PCDH15: variants seen among roughly 807,000 people sequenced by gnomAD.
The protein encoded by PCDH15 is protocadherin related 15.
A neutral mutation model predicts 178.5 loss-of-function variants in PCDH15; 129 were observed. The observed-to-expected ratio is 0.72, with a 90% confidence interval of 0.63 to 0.84. PCDH15 has a LOEUF of 0.84. PCDH15 is among the 40% of genes least tolerant of loss of function. The probability of loss-of-function intolerance (pLI) is 0.00; values close to 1 mark genes in which losing one functional copy is unlikely to be tolerated. For synonymous variants in PCDH15, 800 were observed against 732.0 expected (o/e 1.09, Z -1.50); for missense variants, 2,230 against 2,099.9 (o/e 1.06, Z -1.21).
intron 2 of PCDH15, among the ~76,000 whole-genome samples, chr10:54,639,349 T>C (rs772961406): frequency 4.6e-5 from 7 of 152,136 alleles, no homozygotes; most frequent in Non-Finnish European, 1.0e-4. Context: ...GCCCTAGATA[T>C]ATAAAATCTT....
intron 2 of PCDH15, among the ~76,000 whole-genome samples, chr10:54,981,178 GA>G (rs1239538232): frequency 6.6e-6 from 1 of 152,116 alleles, no homozygotes; most frequent in African/African-American, 2.4e-5. Context: ...ATCTTCTTTA[GA>G]TACATTTCAC....
intron 30 of PCDH15, among the ~76,000 whole-genome samples, chr10:53,829,384 G>A (rs1013876001): frequency 2.0e-5 from 3 of 152,088 alleles, no homozygotes; most frequent in South Asian, 2.1e-4. Flanking sequence ...CATCCAGAGC[G>A]CTTCAGTTTT....
chr10:55,111,428 G>A (rs542901308), intron 2 of PCDH15, among the ~76,000 whole-genome samples: 34 of 152,036 alleles, frequency 2.2e-4, no homozygotes, highest in African/African-American at 7.5e-4. Flanking sequence ...ATTTTAAGAA[G>A]AAATTCAGGC....
intron 5 of PCDH15, among the ~76,000 whole-genome samples, chr10:54,349,649 T>C (rs1303658992): frequency 6.6e-6 from 1 of 151,354 alleles, no homozygotes; most frequent in Non-Finnish European, 1.5e-5. Context: ...TAATATGTAG[T>C]CCTTTAAAAT....
At chr10:54,383,393 T>C (rs1268126876) in intron 3 of PCDH15, among the ~76,000 whole-genome samples, 1 of 152,164 alleles carries the variant, frequency 6.6e-6, no homozygotes, top group Non-Finnish European at 1.5e-5. Flanking sequence ...AAAAAAGTCA[T>C]ACTACTAAGA....
intron 29 of PCDH15, among the ~76,000 whole-genome samples, chr10:53,835,558 A>G (rs2132690124): frequency 6.6e-6 from 1 of 152,236 alleles, no homozygotes; most frequent in South Asian, 2.1e-4. Flanking sequence ...TTGAGTGACA[A>G]TTAGGATAAT....
intron 9 of PCDH15, 31 bp from the exon 10 acceptor site, chr10:54,214,079 T>A: frequency 8.2e-7 from 1 of 1,219,096 alleles, no homozygotes; most frequent in Non-Finnish European, 1.2e-6. Context: ...AGTACATAAT[T>A]GAGAACAATA....
chr10:54,471,895 A>G (rs556938235), intron 3 of PCDH15, among the ~76,000 whole-genome samples: 2 of 152,214 alleles, frequency 1.3e-5, no homozygotes, highest in African/African-American at 4.8e-5. Flanking sequence ...TTTTTTCAAA[A>G]AAGTAATTAT....
At chr10:54,912,831 A>T (rs1006109737) in intron 2 of PCDH15, among the ~76,000 whole-genome samples, 6 of 152,172 alleles carry the variant, frequency 3.9e-5, no homozygotes, top group African/African-American at 1.4e-4. Context: ...TGAATGGAAT[A>T]TGAAAAATGA....
At chr10:53,817,025 C>G (rs916870093) in intron 34 of PCDH15, among the ~76,000 whole-genome samples, 1 of 152,112 alleles carries the variant, frequency 6.6e-6, no homozygotes. Flanking sequence ...GGAGGGAAAA[C>G]AGCATATTAA....
intron 2 of PCDH15, among the ~76,000 whole-genome samples, chr10:54,953,020 T>C (rs1370215784): frequency 6.6e-6 from 1 of 151,656 alleles, no homozygotes; most frequent in Non-Finnish European, 1.5e-5. Flanking sequence ...AGTGTACCAG[T>C]AGAATGTTAA....
chr10:54,578,079 A>C (rs1249353699), intron 2 of PCDH15, among the ~76,000 whole-genome samples: 2 of 152,172 alleles, frequency 1.3e-5, no homozygotes, highest in Non-Finnish European at 2.9e-5. Context: ...ACAATGGTTA[A>C]GTTTTAATGC....
chr10:53,990,902 C>T lies in PCDH15; in HGVS notation c.2868+4747G>A, dbSNP rs151037467. 5.0e-3 allele frequency among the ~76,000 whole-genome samples: 753 copies of T among 152,062 alleles called. 1 individual carries two copies. Among genetic ancestry groups the T allele is most frequent in the Non-Finnish European group, 7.6e-3 (519 of 67,992 alleles). ...TGTGGGCTTGGCGGGCCCCACACTCCGAGCGGCCGTCTGGCGCCACCGGCC... is the reference window on the plus strand; with the variant it reads ...TGTGGGCTTGGCGGGCCCCACACTCTGAGCGGCCGTCTGGCGCCACCGGCC... On this transcript the variant is annotated intron_variant, in intron 21 of 37. Transcript: ENST00000644397.
Position 55,298,048 on chromosome 10 carries a change from G to C in PCDH15, c.-156+21551C>G, listed in dbSNP as rs189984519. Among the ~76,000 whole-genome samples, 313 of 152,200 alleles carry C rather than the reference G, an allele frequency of 2.1e-3. 1 individual carries two copies. Among genetic ancestry groups the C allele is most frequent in the African/African-American group, 7.3e-3 (305 of 41,530 alleles). On this transcript the variant is annotated intron_variant, in intron 1 of 5. Coordinates refer to the PCDH15 transcript ENST00000458638. ...TGGTTTTTAAAAGTGTAACTTGTTA[G>C]TCAACAAGCCCTGCTCAGCCACACA...
intron 21 of PCDH15, among the ~76,000 whole-genome samples, chr10:53,978,414 T>C (rs1564913524): frequency 6.6e-6 from 1 of 152,204 alleles, no homozygotes; most frequent in East Asian, 1.9e-4. Flanking sequence ...ATTTTAACCA[T>C]GGCTGGAGTG....
intron 2 of PCDH15, among the ~76,000 whole-genome samples, chr10:55,623,621 C>A (rs1837456399): frequency 6.6e-6 from 1 of 151,314 alleles, no homozygotes; most frequent in South Asian, 2.1e-4. Flanking sequence ...TATGTGAAAT[C>A]AATTCAAGAG....
At chr10:54,236,593 C>T (rs1454103949) in intron 9 of PCDH15, among the ~76,000 whole-genome samples, 1 of 152,016 alleles carries the variant, frequency 6.6e-6, no homozygotes, top group East Asian at 1.9e-4. Context: ...TTTTGAATTG[C>T]TTTGCTTCTT....
intron 14 of PCDH15, among the ~76,000 whole-genome samples, chr10:54,138,526 T>C (rs1195424197): frequency 2.6e-5 from 4 of 152,194 alleles, no homozygotes; most frequent in Admixed American, 2.6e-4. Flanking sequence ...TTGGCTCCAA[T>C]ATTCTTTGGA....
chr10:55,073,664 A>G (rs1188133273), intron 2 of PCDH15, among the ~76,000 whole-genome samples: 3 of 152,132 alleles, frequency 2.0e-5, no homozygotes, highest in Non-Finnish European at 4.4e-5. Flanking sequence ...GCCTCATAAA[A>G]TGAGTTAGAG....
Sources: gnomAD v4.1 joint callset for allele counts (sites outside exome capture counted in the v4.1 genomes callset) on GRCh38, gnomAD v4.1.1 for gene constraint, MANE v1.5 for transcripts, NCBI Gene and HGNC (gene_info 2026-07-23, HGNC 2026-07-21) for gene names.